Variants in B3GAT2 observed in about 807,000 individuals in gnomAD.
B3GAT2 encodes the protein beta-1,3-glucuronyltransferase 2.
Under a neutral mutation model 27.8 loss-of-function variants are expected in B3GAT2, and 26 were observed. The observed-to-expected ratio is 0.93, with a 90% CI of 0.68 to 1.30. The LOEUF (loss-of-function observed/expected upper bound fraction) is 1.30, where lower values mean the gene tolerates loss of function less well. Ranked by LOEUF, B3GAT2 falls within the 50% of genes most tolerant of loss-of-function variation. The pLI is 0.00. For synonymous variants in B3GAT2, 218 were observed against 195.1 expected, an observed-to-expected ratio of 1.12 and a Z score of -0.98; for missense variants, 458 against 459.0, an observed-to-expected ratio of 1.00 and a Z score of 0.02.
At chr6:70,937,355 CTA>C (rs1179799085) in intron 1 of B3GAT2, among the ~76,000 whole-genome samples, 1 of 151,288 alleles carries the variant, frequency 6.6e-6, no homozygotes, top group African/African-American at 2.4e-5. Context: ...CCTTCTGAAA[CTA>C]TTCCAATCAA....
chr6:70,942,268 G>A (rs1049938528), intron 1 of B3GAT2, among the ~76,000 whole-genome samples: 1 of 152,176 alleles, frequency 6.6e-6, no homozygotes, highest in African/African-American at 2.4e-5. Flanking sequence ...AGAACCTGAA[G>A]AGTTCTTTAC....
chr6:70,956,411 T>C lies in B3GAT2; in HGVS notation c.19A>G (p.Thr7Ala), dbSNP rs1450902438. 4.5e-6 allele frequency: 7 copies of C among 1,551,316 alleles called. No individual in the cohort carries two copies. The highest frequency in any genetic ancestry group is 1.7e-4 in the Middle Eastern group (1 of 5,982). MKSALF[T>A]RFFILLPWIL... ...CAGGGCAGGAGGATAAAGAAGCGGGTGAAAAGCGCGGACTTCATGGTGCAC... is the reference window on the plus strand; with the variant it reads ...CAGGGCAGGAGGATAAAGAAGCGGGCGAAAAGCGCGGACTTCATGGTGCAC... The change falls in exon 1 of 4, where the codon ACC becomes GCC. Residue 7 changes from threonine to alanine, a missense_variant. Physicochemically the swap from Thr to Ala is moderately conservative, Grantham distance 58. Coordinates refer to ENST00000230053, the MANE Select transcript of B3GAT2 (RefSeq NM_080742.3).
Position 70,860,308 on chromosome 6 carries a change from ACT to A in B3GAT2, c.*1353_*1354del. On this transcript the variant is annotated 3_prime_UTR_variant, in exon 4 of 4. Coordinates refer to ENST00000230053, the MANE Select transcript of B3GAT2 (RefSeq NM_080742.3). ...ATGGTCTGGAAGCTCATCAGGTCAG[ACT>A]CTCAGCACACAACTGTGGAAATGAA... 1 of 1,612,578 alleles carries A rather than the reference ACT, an allele frequency of 6.2e-7. No homozygotes were observed.
chr6:70,943,992 A>C (rs1392015919), intron 1 of B3GAT2, among the ~76,000 whole-genome samples: 1 of 152,216 alleles, frequency 6.6e-6, no homozygotes, highest in Non-Finnish European at 1.5e-5. Context: ...ATTGTAAGGT[A>C]ATGAATATAT....
chr6:70,921,270 T>A (rs1463244619), intron 1 of B3GAT2, among the ~76,000 whole-genome samples: 1 of 152,234 alleles, frequency 6.6e-6, no homozygotes, highest in Admixed American at 6.5e-5. Context: ...CTCAGTGGTT[T>A]TGTTCACTCT....
chr6:70,927,659 G>A (rs1362339579), intron 1 of B3GAT2, among the ~76,000 whole-genome samples: 2 of 152,106 alleles, frequency 1.3e-5, no homozygotes, highest in African/African-American at 2.4e-5. Flanking sequence ...CAATACAGGA[G>A]CACCCAGATC....
chr6:70,920,625 T>C (rs1475700634), intron 1 of B3GAT2, among the ~76,000 whole-genome samples: 4 of 152,246 alleles, frequency 2.6e-5, no homozygotes, highest in Non-Finnish European at 5.9e-5. Flanking sequence ...GCATTTTGCA[T>C]GTTTACTTTT....
Position 70,956,742 on chromosome 6 carries a change from G to C in B3GAT2, c.-313C>G. The C allele has an allele frequency of 7.8e-7, 1 of 1,276,872 alleles. No homozygotes were observed. Among genetic ancestry groups the C allele is most frequent in the Non-Finnish European group, 9.9e-7 (1 of 1,008,974 alleles). 79.1% of individuals were successfully genotyped at this position (1,276,872 alleles called of 1,614,324 possible). On this transcript the variant is annotated 5_prime_UTR_variant, in exon 1 of 4. Transcript: ENST00000230053. ...CGCCGGTCCCGGAGTTGTGCCGAGT[G>C]CGGGAAAGGCGCTGATCCCCACCGC...
At chr6:70,918,509 T>G (rs546389155) in intron 1 of B3GAT2, among the ~76,000 whole-genome samples, 1 of 152,168 alleles carries the variant, frequency 6.6e-6, no homozygotes, top group Non-Finnish European at 1.5e-5. Context: ...TTACAATTTG[T>G]CATGTTTTTG....
At chr6:70,945,626 G>A (rs2150051129) in intron 1 of B3GAT2, among the ~76,000 whole-genome samples, 1 of 150,240 alleles carries the variant, frequency 6.7e-6, no homozygotes. Context: ...GGGGAGGATG[G>A]AACCGAGTTG....
At chr6:70,920,044 GCAGTGGGCTCCGTC>G (rs1485463681) in intron 1 of B3GAT2, among the ~76,000 whole-genome samples, 13 of 152,220 alleles carry the variant, frequency 8.5e-5, no homozygotes, top group Non-Finnish European at 1.5e-4. Context: ...TTGCTGAGCT[GCAGTGGGCTCCGTC>G]CAGTTCAAGC....
chr6:70,867,141 T>C (rs1260763145), intron 2 of B3GAT2, among the ~76,000 whole-genome samples: 2 of 151,818 alleles, frequency 1.3e-5, no homozygotes, highest in Non-Finnish European at 2.9e-5. Context: ...ACAAGACATA[T>C]CAAAATGTGT....
intron 1 of B3GAT2, among the ~76,000 whole-genome samples, chr6:70,938,147 T>C (rs967202552): frequency 4.7e-4 from 70 of 149,714 alleles, no homozygotes; most frequent in East Asian, 4.6e-3. Flanking sequence ...TGAACTCCCA[T>C]GCACAATTGC....
intron 2 of B3GAT2, among the ~76,000 whole-genome samples, chr6:70,871,648 C>A (rs780710652): frequency 9.2e-5 from 14 of 151,610 alleles, no homozygotes; most frequent in Non-Finnish European, 1.5e-4. Context: ...TAAAGGTTTC[C>A]CAATTTGTTG....
chr6:70,919,094 C>A (rs1283211943), intron 1 of B3GAT2, among the ~76,000 whole-genome samples: 1 of 152,158 alleles, frequency 6.6e-6, no homozygotes, highest in Non-Finnish European at 1.5e-5. Context: ...TTATTCGTTT[C>A]TTTTCACTCT....
intron 1 of B3GAT2, among the ~76,000 whole-genome samples, chr6:70,910,898 G>A (rs148064440): frequency 9.9e-5 from 15 of 152,174 alleles, no homozygotes; most frequent in African/African-American, 3.1e-4. Flanking sequence ...TCTCACTGTG[G>A]TTTTAATTTG....
chr6:70,873,771 C>G (rs933595719), intron 2 of B3GAT2, among the ~76,000 whole-genome samples: 2 of 151,962 alleles, frequency 1.3e-5, no homozygotes, highest in Admixed American at 6.6e-5. Flanking sequence ...TGGATCATAT[C>G]AATTTATCTA....
intron 2 of B3GAT2, among the ~76,000 whole-genome samples, chr6:70,877,015 T>C (rs999460369): frequency 6.6e-6 from 1 of 152,198 alleles, no homozygotes; most frequent in Non-Finnish European, 1.5e-5. Context: ...GCAGCAATGA[T>C]GGGTGACAAG....
chr6:70,895,764 T>C (rs1772372894), intron 1 of B3GAT2, among the ~76,000 whole-genome samples: 2 of 152,122 alleles, frequency 1.3e-5, no homozygotes, highest in South Asian at 4.1e-4. Context: ...CTATTTTTTA[T>C]AATCTCTTAT....
Sources: allele counts gnomAD v4.1 joint callset (sites outside exome capture counted in the v4.1 genomes callset), GRCh38; gene constraint gnomAD v4.1.1; transcripts MANE v1.5; gene names NCBI Gene and HGNC (gene_info 2026-07-23, HGNC 2026-07-21).